The following ARMH3 variants were observed in gnomAD, a reference collection of about 807,000 sequenced individuals.
The protein encoded by ARMH3 is armadillo-like helical domain-containing protein 3.
A neutral mutation model predicts 99.1 loss-of-function variants in ARMH3; 60 were observed. The ratio of observed to expected loss-of-function variants is 0.61; its 90% CI spans 0.49 to 0.75. The LOEUF is 0.75. Ranked by LOEUF, ARMH3 falls within the 30% of genes least tolerant of loss-of-function variation. The pLI is 0.00. For synonymous variants in ARMH3, 285 were observed against 292.8 expected, an observed-to-expected ratio of 0.97 and a Z score of 0.27; for missense variants, 679 against 843.1, an observed-to-expected ratio of 0.81 and a Z score of 2.41.
chr10:101,973,974 C>A (rs1202053142), intron 20 of ARMH3, among the ~76,000 whole-genome samples: 1 of 152,128 alleles, frequency 6.6e-6, no homozygotes, highest in Admixed American at 6.5e-5. Context: ...CAATAATAGT[C>A]CTTTATATTA....
chr10:101,877,725 T>C (rs1012301346), intron 24 of ARMH3, among the ~76,000 whole-genome samples: 3 of 152,146 alleles, frequency 2.0e-5, no homozygotes, highest in Non-Finnish European at 4.4e-5. Context: ...ACTGTTCCCT[T>C]CTATGCACTG....
chr10:102,042,219 T>C (rs1440122809), intron 1 of ARMH3, among the ~76,000 whole-genome samples: 1 of 152,190 alleles, frequency 6.6e-6, no homozygotes, highest in Non-Finnish European at 1.5e-5. Flanking sequence ...TTAGAATAAA[T>C]CAAAAGCAAT....
intron 23 of ARMH3, among the ~76,000 whole-genome samples, chr10:101,908,537 A>T (rs1842729786): frequency 6.6e-6 from 1 of 152,202 alleles, no homozygotes; most frequent in Non-Finnish European, 1.5e-5. Context: ...TGCCAACTGA[A>T]ATATAGCAAA....
Position 102,050,209 on chromosome 10 carries a change from G to C in ARMH3, c.-12+5876C>G, listed in dbSNP as rs373262768. Among the ~76,000 whole-genome samples, 9 of 152,028 alleles carry C rather than the reference G, an allele frequency of 5.9e-5. No individual in the cohort carries two copies. The East Asian group carries it at 1.2e-3, about 20-fold the overall frequency. On this transcript the variant is annotated intron_variant, in intron 1 of 25. Transcript: ENST00000370033. The stretch of plus-strand genomic sequence containing the variant: ...TGTAATCCCAACACTTTGGGAGGCC[G>C]AGGAGGGCAGATCACAAGGTCAGGA...
chr10:101,921,947 C>A (rs1843324038), intron 23 of ARMH3, among the ~76,000 whole-genome samples: 1 of 152,094 alleles, frequency 6.6e-6, no homozygotes, highest in South Asian at 2.1e-4. Flanking sequence ...CAGTTACCAA[C>A]AATGTACTAT....
At chr10:102,035,009 G>C (rs1385301300) in intron 2 of ARMH3, among the ~76,000 whole-genome samples, 1 of 152,140 alleles carries the variant, frequency 6.6e-6, no homozygotes, top group Non-Finnish European at 1.5e-5. Context: ...GGCTGAGGCG[G>C]GTGGATCACC....
At chr10:102,019,818 C>T (rs1349956757) in intron 8 of ARMH3, among the ~76,000 whole-genome samples, 1 of 151,336 alleles carries the variant, frequency 6.6e-6, no homozygotes, top group Non-Finnish European at 1.5e-5. Context: ...ATCCCAGCTA[C>T]TCCGGAGGCT....
chr10:101,924,169 G>C (rs1232484884), intron 23 of ARMH3, among the ~76,000 whole-genome samples: 1 of 152,156 alleles, frequency 6.6e-6, no homozygotes. Context: ...ACCCTGAGAA[G>C]CTAGAATGAT....
intron 20 of ARMH3, among the ~76,000 whole-genome samples, chr10:101,968,152 T>G (rs1845617616): frequency 6.6e-6 from 1 of 152,140 alleles, no homozygotes; most frequent in Non-Finnish European, 1.5e-5. Context: ...GAAAATGAGT[T>G]TCCACATGAA....
At chr10:101,855,714 T>TCA (rs1476679407) in intron 24 of ARMH3, among the ~76,000 whole-genome samples, 1 of 146,784 alleles carries the variant, frequency 6.8e-6, no homozygotes, top group African/African-American at 2.5e-5. Flanking sequence ...TATATATATT[T>TCA]TATATATATT....
chr10:101,959,214 A>G (rs536172626), intron 20 of ARMH3, among the ~76,000 whole-genome samples: 26 of 152,320 alleles, frequency 1.7e-4, no homozygotes, highest in African/African-American at 5.8e-4. Flanking sequence ...CTTAGCTCCT[A>G]CCAGGAGCAC....
At chr10:102,010,107 G>T in intron 11 of ARMH3, 84 bp from the exon 12 acceptor site, 2 of 1,307,858 alleles carry the variant, frequency 1.5e-6, no homozygotes, top group Non-Finnish European at 2.2e-6. Context: ...TATCAGTGAA[G>T]AAAACAAGCT....
intron 23 of ARMH3, among the ~76,000 whole-genome samples, chr10:101,898,264 G>A: frequency 6.6e-6 from 1 of 151,770 alleles, no homozygotes; most frequent in East Asian, 1.9e-4. Flanking sequence ...GCTGAGATGG[G>A]AGGATGATTT....
At chr10:102,035,907 C>G (rs2067246271) in intron 2 of ARMH3, among the ~76,000 whole-genome samples, 1 of 151,940 alleles carries the variant, frequency 6.6e-6, no homozygotes, top group African/African-American at 2.4e-5. Flanking sequence ...GCTGCCCAGT[C>G]TGGGAAGTGA....
intron 20 of ARMH3, among the ~76,000 whole-genome samples, chr10:101,965,294 G>A (rs1438610564): frequency 6.6e-6 from 1 of 152,134 alleles, no homozygotes; most frequent in African/African-American, 2.4e-5. Context: ...TAACTGACTG[G>A]CTGACATTCA....
At chr10:102,035,092 T>A (rs2067220050) in intron 2 of ARMH3, among the ~76,000 whole-genome samples, 1 of 151,526 alleles carries the variant, frequency 6.6e-6, no homozygotes, top group Non-Finnish European at 1.5e-5. Flanking sequence ...CAAAAATAGC[T>A]GGGCACAGTG....
rs180884481 is a variant in ARMH3, at chr10:101,862,507, G to A, written c.1861-12615C>T. The stretch of plus-strand genomic sequence containing the variant: ...CAGGAGAATTGCTTGATCCCAAGAG[G>A]GGGAGGTTGTAGTGAGCCAAGATCG... On this transcript the variant is annotated intron_variant, in intron 24 of 25. Transcript: ENST00000370033. Among the ~76,000 whole-genome samples the A allele has an allele frequency of 3.3e-5, 5 of 152,248 alleles. No individual in the cohort carries two copies. The East Asian group carries it at 9.7e-4, about 29-fold the overall frequency.
intron 1 of ARMH3, among the ~76,000 whole-genome samples, chr10:102,050,343 G>A (rs1036157363): frequency 2.0e-5 from 3 of 151,930 alleles, no homozygotes; most frequent in African/African-American, 7.3e-5. Context: ...CAGCTACTCG[G>A]GAGGCTGAGG....
chr10:101,857,416 C>A (rs1424921587), intron 24 of ARMH3, among the ~76,000 whole-genome samples: 2 of 152,104 alleles, frequency 1.3e-5, no homozygotes, highest in Non-Finnish European at 2.9e-5. Context: ...GAGCCAAGAT[C>A]ATGCCTGGCA....
Sources: allele counts gnomAD v4.1 joint callset (sites outside exome capture counted in the v4.1 genomes callset), GRCh38; gene constraint gnomAD v4.1.1; transcripts MANE v1.5; gene names NCBI Gene and HGNC (gene_info 2026-07-23, HGNC 2026-07-21).